Variants in SLCO1B3 observed in about 807,000 individuals in gnomAD.
SLCO1B3 encodes the protein liver-specific organic anion transporter 2.
A neutral mutation model predicts 71.8 loss-of-function variants in SLCO1B3; 72 were observed. That is an observed-to-expected ratio of 1.00 (90% CI 0.83 to 1.22). SLCO1B3 has a LOEUF of 1.22. Ranked by LOEUF, SLCO1B3 falls within the 50% of genes most tolerant of loss-of-function variation. SLCO1B3 has a pLI of 0.00. For missense variants in SLCO1B3, 911 were observed against 819.7 expected, an observed-to-expected ratio of 1.11 and a Z score of -1.36; for synonymous variants, 298 against 278.4, an observed-to-expected ratio of 1.07 and a Z score of -0.70.
chr12:20,891,225 TC>T (rs1283745998), intron 13 of SLCO1B3, among the ~76,000 whole-genome samples: 2 of 152,114 alleles, frequency 1.3e-5, no homozygotes, highest in African/African-American at 4.8e-5. Flanking sequence ...TGCGACAAAT[TC>T]CCTTAGTGTT....
In SLCO1B3 at chr12:20,880,992, A is replaced by C; in HGVS notation, c.1469A>C (p.Lys490Thr). ...TYLSPCLAGC[K>T]SSSGIKKHTV... Reference sequence around the variant, plus strand: ...CTGTCACCTTGTCTAGCAGGATGCAAATCCTCAAGTGGTATTAAAAAGCAT... The same window carrying C: ...CTGTCACCTTGTCTAGCAGGATGCACATCCTCAAGTGGTATTAAAAAGCAT... The change falls in exon 12 of 16, where the codon AAA becomes ACA. Residue 490 changes from lysine (K) to threonine (T), a missense_variant. Coordinates refer to ENST00000381545, the MANE Select transcript of SLCO1B3 (RefSeq NM_019844.4). The C allele has an allele frequency of 6.2e-7, 1 of 1,611,386 alleles. No homozygotes were observed. The highest frequency in any genetic ancestry group is 8.5e-7 in the Non-Finnish European group (1 of 1,178,432).
At chr12:20,840,071 A>C (rs1012383244) in intron 3 of SLCO1B3, among the ~76,000 whole-genome samples, 4 of 151,950 alleles carry the variant, frequency 2.6e-5, no homozygotes, top group African/African-American at 7.2e-5. Context: ...TGTCTCTTTT[A>C]CTTTTATAGC....
intron 8 of SLCO1B3, among the ~76,000 whole-genome samples, chr12:20,870,284 G>T (rs540852146): frequency 1.2e-4 from 19 of 152,056 alleles, no homozygotes; most frequent in African/African-American, 3.4e-4. Flanking sequence ...TCCGTATGTT[G>T]CCTTTTCACT....
At chr12:20,849,717 A>T (rs1864985238) in intron 3 of SLCO1B3, among the ~76,000 whole-genome samples, 1 of 76,174 alleles carries the variant, frequency 1.3e-5, no homozygotes, top group African/African-American at 4.7e-5. Context: ...AAAATCACAC[A>T]CACACACACA....
chr12:20,862,388 T>C (rs1353106299), intron 6 of SLCO1B3, 24 bp from the exon 7 acceptor site: 2 of 1,580,320 alleles, frequency 1.3e-6, no homozygotes, highest in Admixed American at 3.8e-5. Flanking sequence ...ATGTTTAAAG[T>C]AAAACACTCT....
At position 20,851,080 on chromosome 12, in the gene SLCO1B3, T is replaced by A. The variant is rs575392755; in HGVS notation, c.85-3948T>A. ...TTATCTATTCATTTGTCAATGAACA[T>A]TTTAGTTGCTTCTACCTCTTGGCTA... On this transcript the variant is annotated intron_variant, in intron 3 of 15. Coordinates refer to ENST00000381545, the MANE Select transcript of SLCO1B3 (RefSeq NM_019844.4). Among the ~76,000 whole-genome samples, 3 of 152,308 alleles carry A rather than the reference T, an allele frequency of 2.0e-5. No individual in the cohort carries two copies. In the East Asian group the frequency reaches 5.8e-4, roughly 29 times the overall value.
In SLCO1B3 at chr12:20,901,550, C is replaced by A. The variant is rs993523012; in HGVS notation, c.1865+83C>A. On this transcript the variant is annotated intron_variant, in intron 15 of 15. Coordinates refer to ENST00000381545, the MANE Select transcript of SLCO1B3 (RefSeq NM_019844.4). ...TAAGATATAGCATTTTTAGTGTGAT[C>A]GTAATATTAATGATAGCTACCATTT... 6 of 677,190 alleles carry A rather than the reference C, an allele frequency of 8.9e-6. No individual in the cohort carries two copies. In the Admixed American group the frequency reaches 1.2e-4, roughly 13 times the overall value. 41.9% of individuals were successfully genotyped at this position (677,190 alleles called of 1,614,324 possible). A position where few individuals can be genotyped will look rare whatever the true frequency, so the allele number is the denominator to read the frequency against.
Position 20,877,846 on chromosome 12 carries a change from G to GT in SLCO1B3, c.1046dup (p.Ser350LysfsTer12). On this transcript the variant is annotated frameshift_variant, in exon 10 of 16. Transcript: ENST00000381545. LOFTEE classifies it high-confidence loss of function. ...ATTTCTGCTTTTGACATTGTTACAAGTAAGCAGCTTTATTGGTTCTTTTAC... is the reference window on the plus strand; with the variant it reads ...ATTTCTGCTTTTGACATTGTTACAAGTTAAGCAGCTTTATTGGTTCTTTTAC... The GT allele has an allele frequency of 6.3e-7, 1 of 1,586,208 alleles. No homozygotes were observed. Among genetic ancestry groups the GT allele is most frequent in the East Asian group, 2.3e-5 (1 of 42,866 alleles).
intron 13 of SLCO1B3, among the ~76,000 whole-genome samples, chr12:20,884,517 G>A (rs1028560711): frequency 6.6e-6 from 1 of 152,052 alleles, no homozygotes; most frequent in African/African-American, 2.4e-5. Flanking sequence ...ATGAAAAGAA[G>A]CCAGTTTATT....
chr12:20,883,554 C>A lies in SLCO1B3; in HGVS notation c.1634C>A (p.Ser545Tyr). 1 of 1,602,468 alleles carries A rather than the reference C, an allele frequency of 6.2e-7. No individual in the cohort carries two copies. Among genetic ancestry groups the A allele is most frequent in the Non-Finnish European group, 8.5e-7 (1 of 1,176,124 alleles). Reference sequence around the variant, plus strand: ...TATGTTGCAATTCAAGTCATAAACTCTTTGTTCTCTGCAACAGGAGGTACC... The same window carrying A: ...TATGTTGCAATTCAAGTCATAAACTATTTGTTCTCTGCAACAGGAGGTACC... ...FIYVAIQVIN[S>Y]LFSATGGTTF... Residue 545 changes from serine (S) to tyrosine (Y), a missense_variant, in exon 13 of 16, where the codon TCT (serine) becomes TAT (tyrosine). Coordinates refer to ENST00000381545, the MANE Select transcript of SLCO1B3 (RefSeq NM_019844.4).
chr12:20,820,265 G>T (rs549239067), intron 3 of SLCO1B3, among the ~76,000 whole-genome samples: 2 of 152,310 alleles, frequency 1.3e-5, no homozygotes, highest in South Asian at 2.1e-4. Flanking sequence ...TGATCAGGCA[G>T]CATCAGTCTT....
intron 3 of SLCO1B3, among the ~76,000 whole-genome samples, chr12:20,827,478 G>C (rs1036297842): frequency 6.6e-6 from 1 of 152,004 alleles, no homozygotes; most frequent in South Asian, 2.1e-4. Context: ...ACATAAATAC[G>C]TAGACTTATT....
At chr12:20,869,113 C>G (rs1478183845) in intron 8 of SLCO1B3, among the ~76,000 whole-genome samples, 1 of 152,118 alleles carries the variant, frequency 6.6e-6, no homozygotes, top group Non-Finnish European at 1.5e-5. Context: ...GGTGGAGGAG[C>G]AGAGTCTTTT....
At chr12:20,902,782 A>T (rs1466060981) in intron 15 of SLCO1B3, among the ~76,000 whole-genome samples, 1 of 152,092 alleles carries the variant, frequency 6.6e-6, no homozygotes. Flanking sequence ...AAATCTCCAA[A>T]AACAGGCCGG....
At chr12:20,890,505 G>A (rs1311797405) in intron 13 of SLCO1B3, among the ~76,000 whole-genome samples, 1 of 151,234 alleles carries the variant, frequency 6.6e-6, no homozygotes, top group Non-Finnish European at 1.5e-5. Flanking sequence ...AAAATGTTCT[G>A]TAAAATGTTC....
chr12:20,898,828 C>A (rs183800678), intron 14 of SLCO1B3, among the ~76,000 whole-genome samples: 5 of 152,228 alleles, frequency 3.3e-5, no homozygotes, highest in Admixed American at 2.6e-4. Flanking sequence ...CCCAGGTATA[C>A]GCAGAGTGGA....
intron 3 of SLCO1B3, among the ~76,000 whole-genome samples, chr12:20,842,649 C>T (rs1279819391): frequency 3.3e-5 from 5 of 152,188 alleles, no homozygotes; most frequent in Non-Finnish European, 4.4e-5. Context: ...ATTTTGTCCA[C>T]TTACGTTTAT....
At chr12:20,908,941 T>C (rs1441024055) in intron 15 of SLCO1B3, among the ~76,000 whole-genome samples, 2 of 152,136 alleles carry the variant, frequency 1.3e-5, no homozygotes, top group African/African-American at 2.4e-5. Flanking sequence ...AAAATATGTA[T>C]AGTTTTATAA....
intron 3 of SLCO1B3, among the ~76,000 whole-genome samples, chr12:20,821,225 C>T (rs979135056): frequency 2.6e-5 from 4 of 152,088 alleles, no homozygotes; most frequent in Non-Finnish European, 5.9e-5. Flanking sequence ...ACATCAGGCA[C>T]CTCAGACCAT....
Sources: gnomAD v4.1 joint callset for allele counts (sites outside exome capture counted in the v4.1 genomes callset) on GRCh38, gnomAD v4.1.1 for gene constraint, MANE v1.5 for transcripts, NCBI Gene and HGNC (gene_info 2026-07-23, HGNC 2026-07-21) for gene names.